Variants in CCSER1 observed in about 807,000 individuals in gnomAD.
CCSER1 encodes coiled-coil serine rich protein 1, also known as serine-rich coiled-coil domain-containing protein 1.
In CCSER1, 41 loss-of-function variants were observed where a neutral mutation model predicts 82.0. The observed-to-expected ratio is 0.50, with a 90% CI of 0.39 to 0.65. The LOEUF is 0.65. Ranked by LOEUF, CCSER1 falls within the 30% of genes least tolerant of loss-of-function variation. The pLI is 0.00. For synonymous variants in CCSER1, 414 were observed against 383.9 expected (o/e 1.08, Z -0.92); for missense variants, 1,119 against 1,064.2 (o/e 1.05, Z -0.72).
intron 1 of CCSER1, among the ~76,000 whole-genome samples, chr4:90,239,556 C>CA (rs1746450182): frequency 6.6e-6 from 1 of 152,200 alleles, no homozygotes; most frequent in Non-Finnish European, 1.5e-5. Context: ...GGCTGGAGAG[C>CA]AGTGGTACAA....
At chr4:90,459,204 G>A (rs1474622089) in intron 4 of CCSER1, among the ~76,000 whole-genome samples, 1 of 152,058 alleles carries the variant, frequency 6.6e-6, no homozygotes, top group Non-Finnish European at 1.5e-5. Flanking sequence ...TTGGGAAGGA[G>A]GGAACCATAA....
intron 9 of CCSER1, among the ~76,000 whole-genome samples, chr4:90,992,615 A>C (rs1737138670): frequency 6.6e-6 from 1 of 151,998 alleles, no homozygotes. Flanking sequence ...GGGTTATTAT[A>C]AGATATTATG....
At chr4:90,965,180 A>G (rs1242103209) in intron 9 of CCSER1, among the ~76,000 whole-genome samples, 1 of 152,148 alleles carries the variant, frequency 6.6e-6, no homozygotes, top group African/African-American at 2.4e-5. Flanking sequence ...CAATTGTTTA[A>G]TATTTCAGTT....
intron 3 of CCSER1, among the ~76,000 whole-genome samples, chr4:90,392,569 C>G (rs772609708): frequency 6.6e-6 from 1 of 152,056 alleles, no homozygotes; most frequent in African/African-American, 2.4e-5. Context: ...GCAATCCAAA[C>G]TAAATATTCT....
chr4:90,449,717 C>T (rs960086406), intron 4 of CCSER1, among the ~76,000 whole-genome samples: 4 of 152,232 alleles, frequency 2.6e-5, no homozygotes, highest in African/African-American at 9.6e-5. Context: ...AACAACTTTG[C>T]TCCGAAATCA....
At chr4:90,369,851 G>A (rs1332784814) in intron 3 of CCSER1, among the ~76,000 whole-genome samples, 1 of 151,932 alleles carries the variant, frequency 6.6e-6, no homozygotes, top group African/African-American at 2.4e-5. Context: ...CATTTTCTTA[G>A]CAGCACTTTT....
intron 10 of CCSER1, among the ~76,000 whole-genome samples, chr4:91,479,714 TCTTTTTTA>T (rs1398318568): frequency 1.1e-3 from 163 of 148,996 alleles, no homozygotes; most frequent in Non-Finnish European, 1.1e-3. Context: ...TTTTTTTCTT[TCTTTTTTA>T]TTTATTTATT....
intron 8 of CCSER1, among the ~76,000 whole-genome samples, chr4:90,895,091 C>T (rs10006298): frequency 0.031 from 4,774 of 151,820 alleles, 105 homozygotes; most frequent in African/African-American, 0.062. Flanking sequence ...TAAGACAGTT[C>T]AAAATGAAAT....
At chr4:90,671,308 A>C (rs1732763801) in intron 6 of CCSER1, among the ~76,000 whole-genome samples, 3 of 152,060 alleles carry the variant, frequency 2.0e-5, no homozygotes, top group African/African-American at 7.2e-5. Context: ...TTTTACCCAG[A>C]GTAGAACTTT....
rs867752909 is a variant in CCSER1, at chr4:90,231,461, G to A, written c.-41-76783G>A. Among the ~76,000 whole-genome samples the A allele has an allele frequency of 2.3e-3, 348 of 149,388 alleles. 3 individuals are homozygous for A. The highest frequency in any genetic ancestry group is 7.9e-3 in the African/African-American group (316 of 39,982). Reference sequence around the variant, plus strand: ...AACTCTCAATAAATTAGGTATTGATGGGACGTATCTCAAAATAATAAGAGC... The same window carrying A: ...AACTCTCAATAAATTAGGTATTGATAGGACGTATCTCAAAATAATAAGAGC... On this transcript the variant is annotated intron_variant, in intron 1 of 10. Coordinates refer to ENST00000509176, the MANE Select transcript of CCSER1 (RefSeq NM_001145065.2).
chr4:90,223,157 A>T (rs1026097304), intron 1 of CCSER1, among the ~76,000 whole-genome samples: 1 of 152,116 alleles, frequency 6.6e-6, no homozygotes, highest in Non-Finnish European at 1.5e-5. Context: ...TATATTCCTC[A>T]TTTCTAAAAT....
At chr4:90,684,056 GT>G (rs1351750269) in intron 6 of CCSER1, among the ~76,000 whole-genome samples, 1 of 152,118 alleles carries the variant, frequency 6.6e-6, no homozygotes, top group Non-Finnish European at 1.5e-5. Flanking sequence ...TGATTGAGTT[GT>G]GTTTTGAATT....
chr4:90,137,606 A>C (rs1402538312), intron 1 of CCSER1, among the ~76,000 whole-genome samples: 2 of 152,206 alleles, frequency 1.3e-5, no homozygotes, highest in Non-Finnish European at 2.9e-5. Flanking sequence ...AATGGATGAG[A>C]TATTTTAAAA....
At chr4:91,123,816 T>C (rs1337332199) in intron 10 of CCSER1, among the ~76,000 whole-genome samples, 2 of 151,808 alleles carry the variant, frequency 1.3e-5, no homozygotes, top group Non-Finnish European at 3.0e-5. Flanking sequence ...TGTATGTAAC[T>C]GAGACAGATT....
intron 10 of CCSER1, among the ~76,000 whole-genome samples, chr4:91,589,574 C>T (rs1172371259): frequency 3.5e-5 from 5 of 144,606 alleles, no homozygotes; most frequent in Admixed American, 6.9e-5. Flanking sequence ...ACAAGAGGCT[C>T]TTTTTTTTTT....
In CCSER1 at chr4:91,601,844, T is replaced by C. The variant is rs1054110486; in HGVS notation, c.*2787T>C. 1.3e-5 allele frequency: 2 copies of C among 152,078 alleles called. No individual in the cohort carries two copies. The highest frequency in any genetic ancestry group is 4.1e-4 in the South Asian group (2 of 4,834). 9.4% of individuals were successfully genotyped at this position (152,078 alleles called of 1,614,324 possible). A position where few individuals can be genotyped will look rare whatever the true frequency, so the allele number is the denominator to read the frequency against. The stretch of plus-strand genomic sequence containing the variant: ...AGGAACACTTAGGAAGAGAAATACC[T>C]TGAAGAAAAGCTGTTTCCACCTGAA... On this transcript the variant is annotated 3_prime_UTR_variant, in exon 11 of 11. Transcript: ENST00000509176.
intron 10 of CCSER1, among the ~76,000 whole-genome samples, chr4:91,182,408 A>G (rs1227612459): frequency 1.3e-5 from 2 of 152,216 alleles, no homozygotes; most frequent in Non-Finnish European, 2.9e-5. Context: ...CGTGCTGTAC[A>G]GCTGCTGATA....
At chr4:91,490,622 G>A (rs1242849284) in intron 10 of CCSER1, among the ~76,000 whole-genome samples, 1 of 151,314 alleles carries the variant, frequency 6.6e-6, no homozygotes, top group Non-Finnish European at 1.5e-5. Flanking sequence ...GGAGGAAGTA[G>A]ATTTAATGGT....
At chr4:91,321,453 C>T (rs913544147) in intron 10 of CCSER1, among the ~76,000 whole-genome samples, 4 of 151,938 alleles carry the variant, frequency 2.6e-5, no homozygotes, top group East Asian at 3.9e-4. Context: ...AAAAAGGTGC[C>T]GATTGCAGCT....
Sources: gnomAD v4.1 joint callset for allele counts (sites outside exome capture counted in the v4.1 genomes callset) on GRCh38, gnomAD v4.1.1 for gene constraint, MANE v1.5 for transcripts, NCBI Gene and HGNC (gene_info 2026-07-23, HGNC 2026-07-21) for gene names.